The following AIM2 variants were observed in gnomAD, a reference collection of about 807,000 sequenced individuals.
AIM2 encodes interferon-inducible protein AIM2.
Under a neutral mutation model 27.7 loss-of-function variants are expected in AIM2, and 30 were observed. That is an observed-to-expected ratio of 1.08 (90% CI 0.81 to 1.47). AIM2 has a LOEUF of 1.47. AIM2 is among the 40% of genes most tolerant of loss of function. The probability of loss-of-function intolerance (pLI) is 0.00; values close to 1 mark genes in which losing one functional copy is unlikely to be tolerated. For missense variants in AIM2, 358 were observed against 411.3 expected (o/e 0.87, Z 1.12); for synonymous variants, 141 against 145.3 (o/e 0.97, Z 0.21).
the AIM2 span, among the ~76,000 whole-genome samples, chr1:159,055,626 C>A: frequency 6.6e-6 from 1 of 152,282 alleles, no homozygotes; most frequent in South Asian, 2.1e-4. Context: ...TCCCTGTTCT[C>A]GCAATCCACT....
At chr1:159,112,951 A>ATATATATATATATAT (rs1162853913) in intron 1 of AIM2, among the ~76,000 whole-genome samples, 1 of 148,626 alleles carries the variant, frequency 6.7e-6, no homozygotes, top group African/African-American at 2.5e-5. Flanking sequence ...ATATATATAT[A>ATATATATATATATAT]ATTTTTTTTT....
At chr1:159,113,508 T>C (rs373341685) in intron 1 of AIM2, among the ~76,000 whole-genome samples, 102 of 152,342 alleles carry the variant, frequency 6.7e-4, no homozygotes, top group Middle Eastern at 6.8e-3. Flanking sequence ...TAGGTCTCAG[T>C]TGTAGTGAAA....
At position 159,062,540 on chromosome 1, in the gene AIM2, C is replaced by T; in HGVS notation, c.*152G>A. The T allele has an allele frequency of 1.5e-6, 1 of 661,402 alleles. No homozygotes were observed. The highest frequency in any genetic ancestry group is 1.9e-5 in the South Asian group (1 of 52,246). 41.0% of individuals were successfully genotyped at this position (661,402 alleles called of 1,614,324 possible). A position where few individuals can be genotyped will look rare whatever the true frequency, so the allele number is the denominator to read the frequency against. On this transcript the variant is annotated 3_prime_UTR_variant, in exon 6 of 6. Coordinates refer to ENST00000368130, the MANE Select transcript of AIM2 (RefSeq NM_004833.3). ...CTGTTGATATTCTGAATTTGTTTAT[C>T]CAGCAATTATTCTATCCTAATTTGG...
At chr1:159,098,600 G>A (rs1657250493) in intron 1 of AIM2, among the ~76,000 whole-genome samples, 1 of 152,152 alleles carries the variant, frequency 6.6e-6, no homozygotes, top group African/African-American at 2.4e-5. Context: ...CACAGGCAAT[G>A]AGAATACAGT....
chr1:159,062,443 G>T, downstream of AIM2: 1 of 544,886 alleles, frequency 1.8e-6, no homozygotes, highest in Non-Finnish European at 3.3e-6. Flanking sequence ...TTTCGCTTGA[G>T]ACAAGGGATT....
upstream of AIM2, among the ~76,000 whole-genome samples, chr1:159,077,278 G>A (rs1477211562): frequency 6.6e-6 from 1 of 152,204 alleles, no homozygotes; most frequent in East Asian, 1.9e-4. Flanking sequence ...AAGGTATGGA[G>A]TACTCTGTAA....
At chr1:159,132,899 A>C (rs1166786106) in intron 1 of AIM2, among the ~76,000 whole-genome samples, 1 of 152,188 alleles carries the variant, frequency 6.6e-6, no homozygotes, top group Non-Finnish European at 1.5e-5. Context: ...TGTTGTTTTC[A>C]AACATCCAAC....
intron 1 of AIM2, among the ~76,000 whole-genome samples, chr1:159,112,934 C>CAT (rs71659252): frequency 0.22 from 32,260 of 146,400 alleles, 3,751 homozygotes; most frequent in African/African-American, 0.32. Context: ...TATATACATA[C>CAT]ATATATATAT....
rs972826444 is a variant in AIM2 at position 159,085,502 on chromosome 1, C to T, written c.-15-19173G>A. The stretch of plus-strand genomic sequence containing the variant: ...GTAAGTGAGGAAAATGTGGGTTTAG[C>T]GGTGGAGGTGTTGCGTTTGAGGTGC... On this transcript the variant is annotated intron_variant, in intron 1 of 2. Transcript: ENST00000368129. 5.3e-5 allele frequency among the ~76,000 whole-genome samples: 8 copies of T among 152,032 alleles called. No homozygotes were observed. The East Asian group carries it at 9.6e-4, about 18-fold the overall frequency.
At chr1:159,068,767 T>A (rs752344912) in intron 2 of AIM2, 66 bp from the exon 3 acceptor site, 1 of 1,481,056 alleles carries the variant, frequency 6.8e-7, no homozygotes, top group Non-Finnish European at 9.2e-7. Context: ...CATTTTCAAA[T>A]GTCACCAGGA....
chr1:159,071,476 C>T (rs1445913281), intron 2 of AIM2, among the ~76,000 whole-genome samples: 1 of 152,194 alleles, frequency 6.6e-6, no homozygotes, highest in Non-Finnish European at 1.5e-5. Flanking sequence ...TAACTGCCTT[C>T]TTGTATAGCA....
intron 1 of AIM2, among the ~76,000 whole-genome samples, chr1:159,118,403 CAA>C (rs1186204481): frequency 6.6e-6 from 1 of 152,058 alleles, no homozygotes; most frequent in Non-Finnish European, 1.5e-5. Context: ...GGAATCTGAA[CAA>C]AAGTCTTGAT....
At chr1:159,094,807 T>A (rs1181578973) in intron 1 of AIM2, among the ~76,000 whole-genome samples, 1 of 152,266 alleles carries the variant, frequency 6.6e-6, no homozygotes, top group African/African-American at 2.4e-5. Flanking sequence ...GAAATTTACA[T>A]TTTAAAAATC....
At chr1:159,101,868 T>G (rs375984036) in intron 1 of AIM2, among the ~76,000 whole-genome samples, 1 of 152,188 alleles carries the variant, frequency 6.6e-6, no homozygotes, top group Non-Finnish European at 1.5e-5. Flanking sequence ...CATAAAAGTT[T>G]GGAAAATTTG....
intron 1 of AIM2, among the ~76,000 whole-genome samples, chr1:159,097,448 C>T (rs1657202540): frequency 6.6e-6 from 1 of 152,140 alleles, no homozygotes; most frequent in Non-Finnish European, 1.5e-5. Flanking sequence ...CTTTAGGAAA[C>T]TTTCACCAAA....
At chr1:159,139,365 C>T (rs1012196383) in intron 1 of AIM2, among the ~76,000 whole-genome samples, 3 of 152,226 alleles carry the variant, frequency 2.0e-5, no homozygotes, top group African/African-American at 7.2e-5. Flanking sequence ...GCTGAGCATT[C>T]AGACCCTTTC....
At chr1:159,143,105 T>C (rs1442483762), upstream of AIM2, among the ~76,000 whole-genome samples, 1 of 152,126 alleles carries the variant, frequency 6.6e-6, no homozygotes, top group African/African-American at 2.4e-5. Context: ...TATGACTAAA[T>C]GAAACAATTA....
intron 2 of AIM2, among the ~76,000 whole-genome samples, chr1:159,069,349 T>C (rs1307468311): frequency 6.6e-6 from 1 of 152,116 alleles, no homozygotes; most frequent in African/African-American, 2.4e-5. Context: ...ATAAGGCTTA[T>C]AATGTACATA....
chr1:159,084,050 C>T (rs1656841925), intron 1 of AIM2, among the ~76,000 whole-genome samples: 1 of 152,186 alleles, frequency 6.6e-6, no homozygotes, highest in African/African-American at 2.4e-5. Context: ...AACCCTACCA[C>T]TCTATGTGGT....
Sources: gnomAD v4.1 joint callset for allele counts (sites outside exome capture counted in the v4.1 genomes callset) on GRCh38, gnomAD v4.1.1 for gene constraint, MANE v1.5 for transcripts, NCBI Gene and HGNC (gene_info 2026-07-23, HGNC 2026-07-21) for gene names.